RSRC1: variants seen among roughly 807,000 people sequenced by gnomAD.
RSRC1 encodes serine/Arginine-related protein 53.
Under a neutral mutation model 49.1 loss-of-function variants are expected in RSRC1, and 39 were observed. The observed-to-expected ratio is 0.79, with a 90% CI of 0.61 to 1.04. The LOEUF (loss-of-function observed/expected upper bound fraction) is 1.04. Ranked by LOEUF, RSRC1 falls within the 50% of genes least tolerant of loss-of-function variation. The pLI is 0.00. For missense variants in RSRC1, 388 were observed against 402.4 expected, an observed-to-expected ratio of 0.96 and a Z score of 0.31; for synonymous variants, 143 against 130.8, an observed-to-expected ratio of 1.09 and a Z score of -0.63.
At chr3:158,421,705 G>A (rs1404449118) in intron 6 of RSRC1, among the ~76,000 whole-genome samples, 2 of 151,652 alleles carry the variant, frequency 1.3e-5, no homozygotes, top group East Asian at 2.0e-4. Flanking sequence ...ATGATTCAAG[G>A]CATAAAAGAA....
chr3:158,498,384 T>G (rs1464317867), intron 7 of RSRC1, among the ~76,000 whole-genome samples: 1 of 152,226 alleles, frequency 6.6e-6, no homozygotes, highest in African/African-American at 2.4e-5. Flanking sequence ...TGTCTATTCA[T>G]GTCCTTAGTC....
At chr3:158,152,417 T>G (rs1396929683) in intron 3 of RSRC1, among the ~76,000 whole-genome samples, 2 of 152,186 alleles carry the variant, frequency 1.3e-5, no homozygotes, top group African/African-American at 4.8e-5. Flanking sequence ...TGGCTAGCTC[T>G]TGGCTGGCAC....
At chr3:158,290,428 A>G (rs1726865237) in intron 4 of RSRC1, among the ~76,000 whole-genome samples, 2 of 151,796 alleles carry the variant, frequency 1.3e-5, no homozygotes, top group Non-Finnish European at 2.9e-5. Flanking sequence ...GCCCGCCACC[A>G]CGCCCAGCTA....
At chr3:158,325,105 T>G (rs898274055) in intron 5 of RSRC1, among the ~76,000 whole-genome samples, 1 of 152,204 alleles carries the variant, frequency 6.6e-6, no homozygotes, top group African/African-American at 2.4e-5. Flanking sequence ...TTTGTTTGAG[T>G]TCTTTGTAGA....
intron 4 of RSRC1, among the ~76,000 whole-genome samples, chr3:158,290,132 A>G (rs971748677): frequency 6.6e-6 from 1 of 152,158 alleles, no homozygotes; most frequent in Non-Finnish European, 1.5e-5. Flanking sequence ...ACCAGTATTT[A>G]CTGAGTGACT....
intron 7 of RSRC1, among the ~76,000 whole-genome samples, chr3:158,494,407 G>T (rs1739218490): frequency 6.6e-6 from 1 of 152,220 alleles, no homozygotes; most frequent in Non-Finnish European, 1.5e-5. Context: ...AGGCAAGTCA[G>T]TGAGTGGTGA....
chr3:158,524,892 CT>C (rs1384606326), intron 7 of RSRC1, among the ~76,000 whole-genome samples: 1 of 151,906 alleles, frequency 6.6e-6, no homozygotes, highest in Non-Finnish European at 1.5e-5. Context: ...TAAGAATTAG[CT>C]TTAGTTTCAC....
intron 8 of RSRC1, among the ~76,000 whole-genome samples, chr3:158,542,958 T>C (rs753764721): frequency 5.9e-5 from 9 of 152,186 alleles, no homozygotes; most frequent in Non-Finnish European, 1.2e-4. Flanking sequence ...ATATGAAATA[T>C]ATGTATATTT....
At chr3:158,228,067 T>A (rs1722624715) in intron 4 of RSRC1, among the ~76,000 whole-genome samples, 1 of 152,050 alleles carries the variant, frequency 6.6e-6, no homozygotes. Context: ...GGAACTAGTT[T>A]ATTCAAAAAT....
intron 4 of RSRC1, among the ~76,000 whole-genome samples, chr3:158,266,185 T>C (rs1725165569): frequency 6.6e-6 from 1 of 152,166 alleles, no homozygotes; most frequent in Non-Finnish European, 1.5e-5. Flanking sequence ...TCTTATTGTT[T>C]CTCTGTAGTC....
At chr3:158,417,009 A>G (rs1734772397) in intron 6 of RSRC1, among the ~76,000 whole-genome samples, 1 of 152,038 alleles carries the variant, frequency 6.6e-6, no homozygotes, top group African/African-American at 2.4e-5. Context: ...ACTGACTATA[A>G]TAACTGCAGC....
chr3:158,399,259 A>G lies in RSRC1; in HGVS notation c.583+44351A>G, dbSNP rs1244061383. Among the ~76,000 whole-genome samples the G allele has an allele frequency of 2.9e-5, 2 of 68,144 alleles. 1 individual carries two copies. Among genetic ancestry groups the G allele is most frequent in the Non-Finnish European group, 5.7e-5 (2 of 35,354 alleles). The allele number at this position is 68,144 out of a possible 152,430, so 44.7% of individuals were successfully genotyped here. A position where few individuals can be genotyped will look rare whatever the true frequency, so the allele number is the denominator to read the frequency against. ...AAGCTCCGCCTCCCGGGTTCACGCC[A>G]TTCTCCTGCCTCAGCCTCCCAAGTA... is the stretch of plus-strand genomic sequence containing the variant. On this transcript the variant is annotated intron_variant, in intron 6 of 9. Coordinates refer to ENST00000611884, the MANE Select transcript of RSRC1 (RefSeq NM_001271838.2).
chr3:158,185,300 T>C (rs527986767), intron 3 of RSRC1, among the ~76,000 whole-genome samples: 1 of 152,164 alleles, frequency 6.6e-6, no homozygotes, highest in African/African-American at 2.4e-5. Flanking sequence ...ACTGGTTTAC[T>C]TACTTGATAA....
At chr3:158,341,721 A>G (rs1412945706) in intron 5 of RSRC1, among the ~76,000 whole-genome samples, 1 of 152,150 alleles carries the variant, frequency 6.6e-6, no homozygotes, top group East Asian at 1.9e-4. Context: ...GAGGGCCACC[A>G]TCCTTCAGGC....
At chr3:158,241,632 A>G (rs1019477045) in intron 4 of RSRC1, among the ~76,000 whole-genome samples, 1 of 152,172 alleles carries the variant, frequency 6.6e-6, no homozygotes, top group East Asian at 1.9e-4. Flanking sequence ...TAAGCAAAGC[A>G]GTTATGTAAA....
intron 7 of RSRC1, among the ~76,000 whole-genome samples, chr3:158,472,466 A>T (rs1370096973): frequency 1.3e-5 from 2 of 152,206 alleles, no homozygotes; most frequent in East Asian, 1.9e-4. Context: ...CCATTTCCAA[A>T]TTTTTTTCTG....
chr3:158,185,681 A>T (rs908024727), intron 3 of RSRC1, among the ~76,000 whole-genome samples: 2 of 151,958 alleles, frequency 1.3e-5, no homozygotes, highest in Non-Finnish European at 2.9e-5. Flanking sequence ...TAAATATAAT[A>T]TTAGTAGCTA....
chr3:158,187,244 A>G (rs919362675), intron 3 of RSRC1, among the ~76,000 whole-genome samples: 4 of 152,074 alleles, frequency 2.6e-5, no homozygotes, highest in Non-Finnish European at 5.9e-5. Flanking sequence ...GAATTGAGTG[A>G]GATAAAGTAC....
At chr3:158,441,818 A>ACTT (rs1384968684) in intron 6 of RSRC1, among the ~76,000 whole-genome samples, 1 of 152,118 alleles carries the variant, frequency 6.6e-6, no homozygotes, top group East Asian at 1.9e-4. Flanking sequence ...TATTAAACTA[A>ACTT]ACAACAAACT....
Sources: allele counts gnomAD v4.1 joint callset (sites outside exome capture counted in the v4.1 genomes callset), GRCh38; gene constraint gnomAD v4.1.1; transcripts MANE v1.5; gene names NCBI Gene and HGNC (gene_info 2026-07-23, HGNC 2026-07-21).